PRKAA2: variants seen among roughly 807,000 people sequenced by gnomAD.
PRKAA2 encodes the protein protein kinase AMP-activated catalytic subunit alpha 2.
A neutral mutation model predicts 56.3 loss-of-function variants in PRKAA2; 40 were observed. The ratio of observed to expected loss-of-function variants is 0.71; its 90% CI spans 0.55 to 0.92. PRKAA2 has a LOEUF of 0.92. Ranked by LOEUF, PRKAA2 falls within the 40% of genes least tolerant of loss-of-function variation. The probability of loss-of-function intolerance (pLI) is 0.00; values close to 1 mark genes in which losing one functional copy is unlikely to be tolerated. For missense variants in PRKAA2, 542 were observed against 686.9 expected (o/e 0.79, Z 2.36); for synonymous variants, 214 against 234.2 (o/e 0.91, Z 0.79).
At chr1:56,695,327 G>C (rs1644252427) in intron 5 of PRKAA2, among the ~76,000 whole-genome samples, 1 of 151,660 alleles carries the variant, frequency 6.6e-6, no homozygotes, top group African/African-American at 2.4e-5. Flanking sequence ...GAGTAGCTGG[G>C]ACTAAGATGT....
intron 8 of PRKAA2, among the ~76,000 whole-genome samples, chr1:56,706,484 G>A (rs1024872067): frequency 6.6e-6 from 1 of 152,148 alleles, no homozygotes; most frequent in African/African-American, 2.4e-5. Context: ...GGAACAACAG[G>A]GAAGCAGGTT....
At position 56,713,456 on chromosome 1, in the gene PRKAA2, G is replaced by A. The variant is rs1241567671; in HGVS notation, c.*5743G>A. The stretch of plus-strand genomic sequence containing the variant: ...TTATGGAAGTGGCTCTTGATTGTTT[G>A]GACAAGCAGGGTAGGTAAATTTCAA... On this transcript the variant is annotated 3_prime_UTR_variant, in exon 9 of 9. Coordinates refer to ENST00000371244, the MANE Select transcript of PRKAA2 (RefSeq NM_006252.4). 1 of 151,962 alleles carries A rather than the reference G, an allele frequency of 6.6e-6. No individual in the cohort carries two copies. Among genetic ancestry groups the A allele is most frequent in the Non-Finnish European group, 1.5e-5 (1 of 68,002 alleles). 9.4% of individuals were successfully genotyped at this position (151,962 alleles called of 1,614,324 possible). A position where few individuals can be genotyped will look rare whatever the true frequency, so the allele number is the denominator to read the frequency against.
At chr1:56,685,954 A>G (rs1314963073) in intron 2 of PRKAA2, among the ~76,000 whole-genome samples, 2 of 152,218 alleles carry the variant, frequency 1.3e-5, no homozygotes, top group Non-Finnish European at 2.9e-5. Flanking sequence ...AATATTTTGC[A>G]TATTGTGCAT....
intron 7 of PRKAA2, 86 bp from the exon 8 acceptor site, chr1:56,706,006 C>A: frequency 8.7e-7 from 1 of 1,152,844 alleles, no homozygotes. Flanking sequence ...TCCTACCTCA[C>A]CCCTATTAAT....
Position 56,704,302 on chromosome 1 carries a change from A to G in PRKAA2, c.1120A>G (p.Ile374Val). Residue 374 changes from isoleucine (I) to valine (V), a missense_variant, in exon 7 of 9, where the codon ATA (isoleucine) becomes GTA (valine). Physicochemically the swap from Ile to Val is conservative, Grantham distance 29. This residue lies in a region of PRKAA2 where 198 missense variants were observed against 234.0 expected (regional missense o/e 0.85). Coordinates refer to ENST00000371244, the MANE Select transcript of PRKAA2 (RefSeq NM_006252.4). ...KPHPERMPPLIADSPKARCPL... is the reference protein window; with the variant it reads ...KPHPERMPPLVADSPKARCPL... The stretch of plus-strand genomic sequence containing the variant: ...TCATCCAGAAAGGATGCCACCTCTT[A>G]TAGCAGACAGCCCCAAAGCAAGATG... 1.2e-6 allele frequency: 2 copies of G among 1,614,152 alleles called. No individual in the cohort carries two copies. The highest frequency in any genetic ancestry group is 1.7e-6 in the Non-Finnish European group (2 of 1,180,018).
chr1:56,658,351 G>A (rs1158135938), intron 1 of PRKAA2, among the ~76,000 whole-genome samples: 1 of 152,144 alleles, frequency 6.6e-6, no homozygotes, highest in Non-Finnish European at 1.5e-5. Flanking sequence ...CGAGTAAGAA[G>A]GAGATGAAGC....
intron 2 of PRKAA2, among the ~76,000 whole-genome samples, chr1:56,691,061 G>A (rs1026443605): frequency 2.0e-5 from 3 of 152,036 alleles, no homozygotes; most frequent in African/African-American, 7.2e-5. Context: ...TATATTTTCT[G>A]TTTATCTTTA....
Position 56,705,562 on chromosome 1 carries a change from AT to A in PRKAA2, c.1294-522del, listed in dbSNP as rs920770317. On this transcript the variant is annotated intron_variant, in intron 7 of 8. Coordinates refer to ENST00000371244, the MANE Select transcript of PRKAA2 (RefSeq NM_006252.4). The stretch of plus-strand genomic sequence containing the variant: ...AGGCGCCTGCCACCACACTCGGCTG[AT>A]TTTTTTTGTATGTTTTTGTAGAGAT... 2.0e-5 allele frequency among the ~76,000 whole-genome samples: 3 copies of A among 151,404 alleles called. No individual in the cohort carries two copies. The East Asian group carries it at 5.8e-4, about 29-fold the overall frequency.
intron 6 of PRKAA2, among the ~76,000 whole-genome samples, chr1:56,697,197 T>A (rs980129750): frequency 6.6e-6 from 1 of 151,486 alleles, no homozygotes; most frequent in East Asian, 1.9e-4. Context: ...TTAATTTTTT[T>A]ATTTTTAGTA....
chr1:56,708,704 C>A lies in PRKAA2; in HGVS notation c.*991C>A, dbSNP rs1308304563. 1 of 152,158 alleles carries A rather than the reference C, an allele frequency of 6.6e-6. No individual in the cohort carries two copies. Among genetic ancestry groups the A allele is most frequent in the East Asian group, 1.9e-4 (1 of 5,196 alleles). The allele number at this position is 152,158 out of a possible 1,614,324, so 9.4% of individuals were successfully genotyped here. The stretch of plus-strand genomic sequence containing the variant: ...AAGCCACTCCCTTCACCTCACCTCA[C>A]CTAGTCACTATTGTCTTTGTTCATT... On this transcript the variant is annotated 3_prime_UTR_variant, in exon 9 of 9. Coordinates refer to ENST00000371244, the MANE Select transcript of PRKAA2 (RefSeq NM_006252.4).
rs139156765 is a variant in PRKAA2 at position 56,674,365 on chromosome 1, TTTTTC to T, written c.95-7_95-3del. 12,088 of 1,524,238 alleles carry T rather than the reference TTTTTC, an allele frequency of 7.9e-3. 80 individuals are homozygous for T. The highest frequency in any genetic ancestry group is 9.7e-3 in the Non-Finnish European group (11,031 of 1,141,232). The allele number at this position is 1,524,238 out of a possible 1,614,324, so 94.4% of individuals were successfully genotyped here. Reference sequence around the variant, plus strand: ...TGATATGATAGCACATTTTTTTTCCTTTTTCTTTTCTTTAGTTGGAGAACATCAAT... The same window carrying T: ...TGATATGATAGCACATTTTTTTTCCTTTTTCTTTAGTTGGAGAACATCAAT... On this transcript the variant is annotated splice_polypyrimidine_tract_variant and intron_variant, in intron 1 of 8. Coordinates refer to ENST00000371244, the MANE Select transcript of PRKAA2 (RefSeq NM_006252.4).
At chr1:56,683,425 G>C (rs1158780471) in intron 2 of PRKAA2, among the ~76,000 whole-genome samples, 86 of 152,048 alleles carry the variant, frequency 5.7e-4, no homozygotes, top group Non-Finnish European at 5.9e-5. Flanking sequence ...TGGTGTATTG[G>C]GAACAAACAG....
intron 2 of PRKAA2, among the ~76,000 whole-genome samples, chr1:56,681,488 A>T (rs1410289661): frequency 6.6e-6 from 1 of 152,140 alleles, no homozygotes; most frequent in African/African-American, 2.4e-5. Flanking sequence ...TTATGGTTTT[A>T]GGTCTAACAT....
At chr1:56,655,280 A>ATATATATATATATATATATTTT in intron 1 of PRKAA2, among the ~76,000 whole-genome samples, 1 of 93,680 alleles carries the variant, frequency 1.1e-5, no homozygotes, top group African/African-American at 4.5e-5. Context: ...ATATATATAT[A>ATATATATATATATATATATTTT]TTTTTTTTTT....
chr1:56,674,444 G>A lies in PRKAA2; in HGVS notation c.158G>A (p.Arg53His), dbSNP rs370153538. 1.3e-6 allele frequency: 2 copies of A among 1,577,946 alleles called. No homozygotes were observed. The highest frequency in any genetic ancestry group is 8.6e-7 in the Non-Finnish European group (1 of 1,161,300). The part of the protein sequence containing the change: ...AVKILNRQKI[R>H]SLDVVGKIKR... ...AAAATCTTAAATAGACAGAAGATTC[G>A]CAGTTTAGATGTTGTTGGAAAAATA... Residue 53 changes from arginine (R) to histidine (H), a missense_variant, in exon 2 of 9, where the codon CGC becomes CAC. Transcript: ENST00000371244.
intron 1 of PRKAA2, among the ~76,000 whole-genome samples, chr1:56,648,634 T>A (rs1646663293): frequency 6.6e-6 from 1 of 152,210 alleles, no homozygotes; most frequent in South Asian, 2.1e-4. Flanking sequence ...TGCAACACTT[T>A]CCCAAAATGG....
At chr1:56,702,460 CCT>C (rs915543114) in intron 6 of PRKAA2, among the ~76,000 whole-genome samples, 14 of 152,086 alleles carry the variant, frequency 9.2e-5, no homozygotes, top group African/African-American at 3.1e-4. Context: ...GTTATGCTAC[CCT>C]GTCTCTTTAA....
intron 1 of PRKAA2, among the ~76,000 whole-genome samples, chr1:56,673,708 G>C (rs1401799376): frequency 2.0e-5 from 3 of 152,344 alleles, no homozygotes; most frequent in Middle Eastern, 3.4e-3. Context: ...TATACTTCCT[G>C]AGAGATTCAG....
At position 56,715,182 on chromosome 1, in the gene PRKAA2, A is replaced by G. The variant is rs934947418; in HGVS notation, c.*7469A>G. ...TGGAAAAGATGTCTTCCTGAATTAC[A>G]TAGCATTTCATAGTTACAGATTCTT... On this transcript the variant is annotated 3_prime_UTR_variant, in exon 9 of 9. Coordinates refer to ENST00000371244, the MANE Select transcript of PRKAA2 (RefSeq NM_006252.4). 1.3e-5 allele frequency: 2 copies of G among 152,220 alleles called. No homozygotes were observed. Among genetic ancestry groups the G allele is most frequent in the Non-Finnish European group, 2.9e-5 (2 of 68,046 alleles). 9.4% of individuals were successfully genotyped at this position (152,220 alleles called of 1,614,324 possible).
Sources: gnomAD v4.1 joint callset for allele counts (sites outside exome capture counted in the v4.1 genomes callset) on GRCh38, gnomAD v4.1.1 for gene constraint, gnomAD v4.1.1 regional missense constraint, MANE v1.5 for transcripts, NCBI Gene and HGNC (gene_info 2026-07-23, HGNC 2026-07-21) for gene names.